SUGCT: variants seen among roughly 807,000 people sequenced by gnomAD.
SUGCT encodes the protein succinyl-CoA:glutarate CoA-transferase.
A neutral mutation model predicts 55.0 loss-of-function variants in SUGCT; 41 were observed. The ratio of observed to expected loss-of-function variants is 0.74; its 90% CI spans 0.58 to 0.97. SUGCT has a LOEUF of 0.97. SUGCT is among the 50% of genes least tolerant of loss of function. SUGCT has a pLI of 0.00. For synonymous variants in SUGCT, 187 were observed against 200.4 expected (o/e 0.93, Z 0.56); for missense variants, 568 against 547.8 (o/e 1.04, Z -0.37).
chr7:40,730,772 G>A (rs1431202658), intron 12 of SUGCT, among the ~76,000 whole-genome samples: 1 of 152,104 alleles, frequency 6.6e-6, no homozygotes, highest in Non-Finnish European at 1.5e-5. Flanking sequence ...TCACATATAA[G>A]TGTAATCATG....
chr7:40,340,530 A>G (rs1315283328), intron 9 of SUGCT, among the ~76,000 whole-genome samples: 1 of 152,228 alleles, frequency 6.6e-6, no homozygotes, highest in Non-Finnish European at 1.5e-5. Flanking sequence ...ATAGAAGGGC[A>G]GGGGAATACG....
intron 12 of SUGCT, among the ~76,000 whole-genome samples, chr7:40,700,182 A>T (rs1475694686): frequency 3.3e-5 from 5 of 152,132 alleles, no homozygotes; most frequent in African/African-American, 1.2e-4. Context: ...AGATGCTTGG[A>T]ACCTCTTTGA....
Position 40,745,140 on chromosome 7 carries a change from T to G in SUGCT, c.1090-4294T>G, listed in dbSNP as rs1412723816. On this transcript the variant is annotated intron_variant, in intron 12 of 13. Transcript: ENST00000335693. Reference sequence around the variant, plus strand: ...GAATAGGTCATATCATTATCCACAGTGAATAGATAGGTCAGTTCTCTTTTG... The same window carrying G: ...GAATAGGTCATATCATTATCCACAGGGAATAGATAGGTCAGTTCTCTTTTG... Among the ~76,000 whole-genome samples, 4 of 152,208 alleles carry G rather than the reference T, an allele frequency of 2.6e-5. No homozygotes were observed. In the East Asian group the frequency reaches 7.7e-4, roughly 29 times the overall value.
the SUGCT span, among the ~76,000 whole-genome samples, chr7:40,977,302 C>A: frequency 3.9e-5 from 6 of 152,240 alleles, no homozygotes; most frequent in Non-Finnish European, 7.3e-5. Flanking sequence ...GTTGATCTGA[C>A]TTCCAGAGCA....
At chr7:40,788,740 G>A (rs1001586458) in intron 13 of SUGCT, among the ~76,000 whole-genome samples, 2 of 152,166 alleles carry the variant, frequency 1.3e-5, no homozygotes, top group Non-Finnish European at 2.9e-5. Context: ...AGGCAGGCCT[G>A]CTACAGCCTC....
the SUGCT span, among the ~76,000 whole-genome samples, chr7:41,017,731 A>C: frequency 6.7e-6 from 1 of 149,062 alleles, no homozygotes. Context: ...AGATGGCACC[A>C]CTGTGCTCCA....
chr7:40,426,795 T>A (rs1405219123), intron 9 of SUGCT, among the ~76,000 whole-genome samples: 1 of 152,018 alleles, frequency 6.6e-6, no homozygotes, highest in Admixed American at 6.6e-5. Flanking sequence ...GAATGGCACA[T>A]TTAATTTATT....
intron 9 of SUGCT, among the ~76,000 whole-genome samples, chr7:40,341,153 A>G (rs1372835245): frequency 6.6e-6 from 1 of 152,194 alleles, no homozygotes; most frequent in East Asian, 1.9e-4. Flanking sequence ...GAGACCCTAC[A>G]ATCTATTGAC....
At chr7:40,789,284 C>A (rs1444663341) in intron 13 of SUGCT, among the ~76,000 whole-genome samples, 5 of 152,096 alleles carry the variant, frequency 3.3e-5, no homozygotes, top group Non-Finnish European at 5.9e-5. Context: ...CCTCTTAGGT[C>A]CTGGTAACCA....
chr7:40,249,042 G>A (rs1412638643), intron 7 of SUGCT, among the ~76,000 whole-genome samples: 5 of 151,952 alleles, frequency 3.3e-5, no homozygotes, highest in Non-Finnish European at 5.9e-5. Flanking sequence ...TGCAATCCTA[G>A]CACTTTGGGT....
chr7:40,197,483 A>G (rs1022928644), intron 6 of SUGCT, among the ~76,000 whole-genome samples: 1 of 152,206 alleles, frequency 6.6e-6, no homozygotes, highest in Non-Finnish European at 1.5e-5. Flanking sequence ...GATTCAGTTG[A>G]TACAGACTGG....
chr7:40,567,109 T>C (rs1028874933), intron 12 of SUGCT, among the ~76,000 whole-genome samples: 3 of 152,252 alleles, frequency 2.0e-5, no homozygotes, highest in Non-Finnish European at 4.4e-5. Context: ...TGTTTTAACT[T>C]ACAGTTTGAT....
At chr7:40,709,656 C>T (rs1264807419) in intron 12 of SUGCT, among the ~76,000 whole-genome samples, 1 of 152,170 alleles carries the variant, frequency 6.6e-6, no homozygotes, top group Admixed American at 6.5e-5. Context: ...TGTATTCCTC[C>T]AAGCAGCCAG....
intron 13 of SUGCT, among the ~76,000 whole-genome samples, chr7:40,793,740 T>C (rs1455868705): frequency 2.0e-5 from 3 of 152,158 alleles, no homozygotes; most frequent in African/African-American, 7.2e-5. Flanking sequence ...GTTGATAGTC[T>C]CTTTTCTCCT....
In SUGCT at chr7:40,506,313, T is replaced by G. The variant is rs1343964168; in HGVS notation, c.1089+9927T>G. Among the ~76,000 whole-genome samples, 3 of 152,152 alleles carry G rather than the reference T, an allele frequency of 2.0e-5. No homozygotes were observed. The East Asian group carries it at 5.8e-4, about 29-fold the overall frequency. The stretch of plus-strand genomic sequence containing the variant: ...TCTTCCTCTGAACACTTTGAATATG[T>G]CATTCCACTGCCTTCTGACTTCCAT... On this transcript the variant is annotated intron_variant, in intron 12 of 13. Transcript: ENST00000335693.
the SUGCT span, among the ~76,000 whole-genome samples, chr7:40,972,803 A>G: frequency 6.6e-6 from 1 of 152,180 alleles, no homozygotes; most frequent in East Asian, 1.9e-4. Context: ...CCTTGGGATA[A>G]TTTCAAAGGA....
chr7:40,625,892 T>TA (rs1261880556), intron 12 of SUGCT, among the ~76,000 whole-genome samples: 9 of 152,170 alleles, frequency 5.9e-5, no homozygotes, highest in African/African-American at 2.2e-4. Context: ...GGAGTGATTT[T>TA]AAAAAATTAA....
the SUGCT span, among the ~76,000 whole-genome samples, chr7:40,926,057 C>T: frequency 3.4e-4 from 51 of 151,894 alleles, no homozygotes; most frequent in Admixed American, 1.5e-3. Flanking sequence ...CCCATGATCA[C>T]GCCACTGCAC....
chr7:40,792,970 A>G (rs1298621207), intron 13 of SUGCT, among the ~76,000 whole-genome samples: 2 of 152,126 alleles, frequency 1.3e-5, no homozygotes, highest in East Asian at 3.9e-4. Context: ...AGCTATTTGT[A>G]TTATTTAAGA....
Sources: allele counts gnomAD v4.1 joint callset (sites outside exome capture counted in the v4.1 genomes callset), GRCh38; gene constraint gnomAD v4.1.1; transcripts MANE v1.5; gene names NCBI Gene and HGNC (gene_info 2026-07-23, HGNC 2026-07-21).